Variants in PNPLA7 observed in about 807,000 individuals in gnomAD.
PNPLA7 encodes the protein patatin like domain 7, lysophospholipase.
In PNPLA7, 153 loss-of-function variants were observed where a neutral mutation model predicts 161.7. The observed-to-expected ratio is 0.95, with a 90% CI of 0.83 to 1.08. PNPLA7 has a LOEUF of 1.08. Among genes scored for constraint, PNPLA7 ranks in the 50% least tolerant of loss-of-function variants. The pLI, the probability that PNPLA7 is intolerant of heterozygous loss-of-function variation, is 0.00. For synonymous variants in PNPLA7, 809 were observed against 782.1 expected, an observed-to-expected ratio of 1.03 and a Z score of -0.57; for missense variants, 1,739 against 1,856.6, an observed-to-expected ratio of 0.94 and a Z score of 1.16.
chr9:137,545,030 C>G (rs367757929), intron 4 of PNPLA7, among the ~76,000 whole-genome samples: 1 of 152,116 alleles, frequency 6.6e-6, no homozygotes, highest in South Asian at 2.1e-4. Flanking sequence ...AGGGATCAGT[C>G]TGTGCGGTTT....
At chr9:137,549,253 C>T (rs936045626) in intron 1 of PNPLA7, among the ~76,000 whole-genome samples, 5 of 152,134 alleles carry the variant, frequency 3.3e-5, no homozygotes, top group African/African-American at 7.2e-5. Context: ...GAGGCCGAGG[C>T]GGGCAGATCA....
chr9:137,500,787 C>G lies in PNPLA7; in HGVS notation c.1661G>C (p.Gly554Ala). The G allele has an allele frequency of 6.2e-7, 1 of 1,611,472 alleles. No homozygotes were observed. The highest frequency in any genetic ancestry group is 8.5e-7 in the Non-Finnish European group (1 of 1,179,560). Residue 554 changes from glycine (G) to alanine (A), a missense_variant, in exon 16 of 35, where the codon GGC (glycine) becomes GCC (alanine). By Grantham distance (60) the Gly-to-Ala change is moderately conservative. Coordinates refer to ENST00000406427, the MANE Select transcript of PNPLA7 (RefSeq NM_001098537.3). The surrounding 1 kb of genome is among the most constrained non-coding windows in gnomAD (Gnocchi z 5.5). ...CTCCCCGGTGAGCACGGCCAGCTGG[C>G]CCACCATCTCCCCGGGGCGCGTGAG... ...LFLTRPGEMVGQLAVLTGEPL... is the reference protein window; with the variant it reads ...LFLTRPGEMVAQLAVLTGEPL...
At chr9:137,527,645 T>C (rs1172857571) in intron 8 of PNPLA7, among the ~76,000 whole-genome samples, 1 of 152,228 alleles carries the variant, frequency 6.6e-6, no homozygotes, top group Non-Finnish European at 1.5e-5. Flanking sequence ...ACTGCTGGAC[T>C]CAAATCTCTA....
At chr9:137,538,495 G>A (rs1250837311) in intron 8 of PNPLA7, among the ~76,000 whole-genome samples, 1 of 152,200 alleles carries the variant, frequency 6.6e-6, no homozygotes, top group Non-Finnish European at 1.5e-5. Context: ...CTAGCGCTTG[G>A]TTCTGCCTGA....
rs1020317120 is a variant in PNPLA7, at chr9:137,486,113, C to T, written c.2198-1377G>A. ...TCACAGGCTGTCCCCTGGCCTATGT[C>T]TCCCGTCCCCAGTGAGGTGGCTTCC... On this transcript the variant is annotated intron_variant, in intron 20 of 34. Transcript: ENST00000406427. The surrounding 1 kb of genome is among the most constrained non-coding windows in gnomAD (Gnocchi z 6.0). Among the ~76,000 whole-genome samples the T allele has an allele frequency of 5.3e-5, 8 of 152,038 alleles. No homozygotes were observed. Among genetic ancestry groups the T allele is most frequent in the African/African-American group, 1.9e-4 (8 of 41,372 alleles).
Position 137,500,555 on chromosome 9 carries a change from G to T in PNPLA7, c.1757+136C>A, listed in dbSNP as rs1038477838. ...GGGGCACAGACCTGGGCCCACACAG[G>T]TGCCGGGGACAAAGAGGGGAGCCCG... On this transcript the variant is annotated intron_variant, in intron 16 of 34. Transcript: ENST00000406427. This position sits in a 1 kb window ranked among gnomAD's most constrained non-coding sequence, Gnocchi z 5.5. The T allele has an allele frequency of 4.9e-6, 4 of 824,372 alleles. No individual in the cohort carries two copies. The highest frequency in any genetic ancestry group is 7.5e-6 in the Non-Finnish European group (4 of 530,586). 51.1% of individuals were successfully genotyped at this position (824,372 alleles called of 1,614,324 possible). A position where few individuals can be genotyped will look rare whatever the true frequency, so the allele number is the denominator to read the frequency against.
At chr9:137,480,803 G>T in intron 22 of PNPLA7, 157 bp downstream of exon 22, 2 of 893,172 alleles carry the variant, frequency 2.2e-6, no homozygotes, top group Non-Finnish European at 3.5e-6. Context: ...TGCCCAGTGT[G>T]TCCAGTGAAG....
Position 137,547,956 on chromosome 9 carries a change from G to C in PNPLA7, c.31-297C>G, listed in dbSNP as rs1836631568. 6.6e-6 allele frequency among the ~76,000 whole-genome samples: 1 copy of C among 152,148 alleles called. No individual in the cohort carries two copies. The highest frequency in any genetic ancestry group is 1.5e-5 in the Non-Finnish European group (1 of 68,012). On this transcript the variant is annotated intron_variant, in intron 1 of 34. Coordinates refer to ENST00000406427, the MANE Select transcript of PNPLA7 (RefSeq NM_001098537.3). The surrounding 1 kb of genome is among the most constrained non-coding windows in gnomAD (Gnocchi z 4.6). ...TGCAATCCTTGGGATGCAGGTCTCAGGGAGCAGGCCTGGCCAAAGGGGAGG... is the reference window on the plus strand; with the variant it reads ...TGCAATCCTTGGGATGCAGGTCTCACGGAGCAGGCCTGGCCAAAGGGGAGG...
chr9:137,479,178 T>A lies in PNPLA7; in HGVS notation c.2641A>T (p.Arg881Trp). 1 of 1,566,308 alleles carries A rather than the reference T, an allele frequency of 6.4e-7. No homozygotes were observed. Among genetic ancestry groups the A allele is most frequent in the Non-Finnish European group, 8.6e-7 (1 of 1,156,450 alleles). Residue 881 changes from arginine (R) to tryptophan (W), a missense_variant, in exon 24 of 35, where the codon AGG becomes TGG. Around this residue, in one of 6 missense-constraint regions of PNPLA7, gnomAD observed 703 missense variants for 694.6 expected, o/e 1.01. Transcript: ENST00000406427. ...CGCGCTGGCGCCGGGCCCTCCTCCC[T>A]GTGCAGCAGGATCAGCTGCTTCTGG... ...RAQKQLILLH[R>W]EEGPAPARTV...
intron 20 of PNPLA7, 110 bp from the exon 21 acceptor site, chr9:137,484,846 G>A: frequency 7.5e-7 from 1 of 1,325,334 alleles, no homozygotes; most frequent in Non-Finnish European, 1.0e-6. Flanking sequence ...CAGCACCAGA[G>A]GCCGCCTGGC....
rs544057109 is a variant in PNPLA7, at chr9:137,500,713, T to C, written c.1735A>G (p.Ile579Val). Residue 579 changes from isoleucine to valine, a missense_variant, in exon 16 of 35, where the codon ATC becomes GTC. By Grantham distance (29) the Ile-to-Val change is conservative (BLOSUM62 3). Coordinates refer to ENST00000406427, the MANE Select transcript of PNPLA7 (RefSeq NM_001098537.3). The surrounding 1 kb of genome is among the most constrained non-coding windows in gnomAD (Gnocchi z 5.5). ...CACTCATAGAAGTGGGCCTTGGAGA[T>C]GGACAGGAAGCTGCAGTCCCTGTTG... is the stretch of plus-strand genomic sequence containing the variant. ...KANRDCSFLS[I>V]SKAHFYEIMR... is the part of the protein sequence containing the mutation. 2 of 1,612,192 alleles carry C rather than the reference T, an allele frequency of 1.2e-6. No individual in the cohort carries two copies. Among genetic ancestry groups the C allele is most frequent in the East Asian group, 2.2e-5 (1 of 44,846 alleles).
At chr9:137,531,177 G>T (rs1835563408) in intron 8 of PNPLA7, among the ~76,000 whole-genome samples, 1 of 152,098 alleles carries the variant, frequency 6.6e-6, no homozygotes, top group African/African-American at 2.4e-5. Flanking sequence ...AACAGCCGGG[G>T]TCCAGCGACT....
intron 12 of PNPLA7, 103 bp from the exon 13 acceptor site, chr9:137,506,186 G>A (rs747031813): frequency 1.9e-5 from 17 of 917,564 alleles, no homozygotes; most frequent in Middle Eastern, 4.8e-4. Flanking sequence ...CACAGACCCC[G>A]GCAGCTCCCT....
intron 21 of PNPLA7, 107 bp downstream of exon 21, chr9:137,484,480 C>T (rs1832366940): frequency 7.7e-7 from 1 of 1,299,090 alleles, no homozygotes; most frequent in Non-Finnish European, 1.0e-6. Flanking sequence ...CAACTGAGCC[C>T]TGCCCACCCA....
At chr9:137,477,248 T>G (rs549898727) in intron 25 of PNPLA7, among the ~76,000 whole-genome samples, 1 of 152,340 alleles carries the variant, frequency 6.6e-6, no homozygotes, top group East Asian at 1.9e-4. Context: ...GGGTATTTAT[T>G]CAAGTTCAGG....
chr9:137,498,018 C>T (rs555476440), intron 17 of PNPLA7, 96 bp downstream of exon 17: 305 of 1,527,288 alleles, frequency 2.0e-4, no homozygotes, highest in Admixed American at 6.2e-4. Context: ...CAGTAACTTC[C>T]GTGTGTGGTT....
At chr9:137,462,624 C>G in intron 30 of PNPLA7, 61 bp downstream of exon 30, 2 of 1,584,770 alleles carry the variant, frequency 1.3e-6, no homozygotes, top group South Asian at 2.3e-5. Context: ...TGCCGCAGGA[C>G]AGGTGTGGAG....
At chr9:137,513,977 C>T (rs1414239804) in intron 12 of PNPLA7, among the ~76,000 whole-genome samples, 5 of 152,390 alleles carry the variant, frequency 3.3e-5, no homozygotes, top group Non-Finnish European at 2.9e-5. Flanking sequence ...AGGTCTGCGG[C>T]AGGAGCACGG....
chr9:137,469,550 T>C (rs932467712), intron 25 of PNPLA7, among the ~76,000 whole-genome samples: 3 of 152,232 alleles, frequency 2.0e-5, no homozygotes, highest in Admixed American at 2.0e-4. Context: ...AAAAGATGCG[T>C]TACCTTAACT....
Sources: allele counts gnomAD v4.1 joint callset (sites outside exome capture counted in the v4.1 genomes callset), GRCh38; gene constraint gnomAD v4.1.1; regional missense constraint gnomAD v4.1.1; non-coding constraint Gnocchi (gnomAD v3.1); transcripts MANE v1.5; gene names NCBI Gene and HGNC (gene_info 2026-07-23, HGNC 2026-07-21).